ANO2: variants seen among roughly 807,000 people sequenced by gnomAD.
The protein encoded by ANO2 is anoctamin-2.
In ANO2, 101 loss-of-function variants were observed where a neutral mutation model predicts 124.2. The observed-to-expected ratio is 0.81, with a 90% CI of 0.69 to 0.96. The LOEUF is 0.96. Ranked by LOEUF, ANO2 falls within the 40% of genes least tolerant of loss-of-function variation. The pLI is 0.00. For missense variants in ANO2, 1,293 were observed against 1,274.5 expected (o/e 1.01, Z -0.22); for synonymous variants, 486 against 482.5 (o/e 1.01, Z -0.09).
chr12:5,625,279 G>A (rs995580444), intron 16 of ANO2, among the ~76,000 whole-genome samples: 2 of 152,070 alleles, frequency 1.3e-5, no homozygotes, highest in Non-Finnish European at 2.9e-5. Flanking sequence ...CAGTCAATAT[G>A]AGGATGAAAC....
intron 14 of ANO2, among the ~76,000 whole-genome samples, chr12:5,655,263 G>A (rs376818536): frequency 1.3e-5 from 2 of 152,200 alleles, no homozygotes; most frequent in East Asian, 3.9e-4. Context: ...CCTCCCTCTT[G>A]TTGACTGCCA....
At chr12:5,877,544 C>T (rs775905437) in intron 3 of ANO2, among the ~76,000 whole-genome samples, 1 of 152,224 alleles carries the variant, frequency 6.6e-6, no homozygotes, top group South Asian at 2.1e-4. Context: ...GCTGGGCTCA[C>T]ATCCCCAGCC....
At chr12:5,827,743 C>T (rs776042632) in intron 7 of ANO2, 26 bp downstream of exon 7, 3 of 1,603,592 alleles carry the variant, frequency 1.9e-6, no homozygotes, top group Non-Finnish European at 2.6e-6. Flanking sequence ...CCCGTCAGCA[C>T]CCTGCCCGCG....
In ANO2 at chr12:5,635,843, G is replaced by C. The variant is rs1945989271; in HGVS notation, c.1621-496C>G. Among the ~76,000 whole-genome samples the C allele has an allele frequency of 6.6e-6, 1 of 152,158 alleles. No homozygotes were observed. On this transcript the variant is annotated intron_variant, in intron 15 of 24. Transcript: ENST00000682330. The surrounding 1 kb of genome is among the most constrained non-coding windows in gnomAD (Gnocchi z 5.2). ...GGAGAAAGTAAATTTGAGTGGTCAG[G>C]GAATAGTTTGTGGAGACAGTGGGAT...
At position 5,612,755 on chromosome 12, in the gene ANO2, C is replaced by T. The variant is rs1944607128; in HGVS notation, c.1988G>A (p.Cys663Tyr). ...CTCCATGAGACAGCCCCCTGGAGCACACTGCAGGGAGAAGATAAGGAAAGG... is the reference window on the plus strand; with the variant it reads ...CTCCATGAGACAGCCCCCTGGAGCATACTGCAGGGAGAAGATAAGGAAAGG... ...YVFDGYRMEE[C>Y]APGGCLMELC... The change falls in exon 19 of 25, where the codon TGT (cysteine) becomes TAT (tyrosine). Residue 663 changes from cysteine to tyrosine, a missense_variant and splice_region_variant. Cys to Tyr is a radical substitution (Grantham distance 194, BLOSUM62 -2). Coordinates refer to ENST00000682330, the MANE Select transcript of ANO2 (RefSeq NM_001364791.2). 1 of 1,613,520 alleles carries T rather than the reference C, an allele frequency of 6.2e-7. No homozygotes were observed. The highest frequency in any genetic ancestry group is 8.5e-7 in the Non-Finnish European group (1 of 1,179,580).
intron 10 of ANO2, among the ~76,000 whole-genome samples, chr12:5,756,758 T>C (rs1339182039): frequency 2.0e-5 from 3 of 152,226 alleles, no homozygotes; most frequent in Non-Finnish European, 4.4e-5. Flanking sequence ...TCTGTTGAGA[T>C]CTGCATGAGA....
In ANO2 at chr12:5,704,075, T is replaced by C. The variant is rs146627070; in HGVS notation, c.1545+28445A>G. Among the ~76,000 whole-genome samples, 18 of 152,186 alleles carry C rather than the reference T, an allele frequency of 1.2e-4. No homozygotes were observed. In the East Asian group the frequency reaches 1.9e-3, roughly 16 times the overall value. On this transcript the variant is annotated intron_variant, in intron 14 of 24. Transcript: ENST00000682330. ...TGTCCAGGATCTGATCTGAAAAGGA[T>C]GAGTGCTATTTTTGAGGTTTTTCAC... is the stretch of plus-strand genomic sequence containing the variant.
intron 8 of ANO2, among the ~76,000 whole-genome samples, chr12:5,806,320 A>C (rs1183917218): frequency 6.6e-6 from 1 of 152,132 alleles, no homozygotes; most frequent in African/African-American, 2.4e-5. Flanking sequence ...GTGCCCCCTC[A>C]TCCACTTCAG....
At chr12:5,578,289 G>A (rs1942536756) in intron 21 of ANO2, 77 bp downstream of exon 21, 1 of 1,538,818 alleles carries the variant, frequency 6.5e-7, no homozygotes, top group Non-Finnish European at 8.8e-7. Flanking sequence ...TTGATTCCTG[G>A]TGTGGTGTGA....
At chr12:5,603,674 A>G (rs926818385) in intron 19 of ANO2, among the ~76,000 whole-genome samples, 5 of 152,304 alleles carry the variant, frequency 3.3e-5, no homozygotes, top group East Asian at 1.9e-4. Context: ...GGCCGGGCGC[A>G]GTGGCTCACG....
intron 14 of ANO2, among the ~76,000 whole-genome samples, chr12:5,649,833 A>G (rs1946829827): frequency 6.6e-6 from 1 of 151,878 alleles, no homozygotes; most frequent in Admixed American, 6.6e-5. Flanking sequence ...TTTAGTAAAG[A>G]CGGGATTTCA....
At chr12:5,675,975 G>C (rs1034695877) in intron 14 of ANO2, among the ~76,000 whole-genome samples, 1 of 152,004 alleles carries the variant, frequency 6.6e-6, no homozygotes, top group African/African-American at 2.4e-5. Context: ...TTCTCTCCAG[G>C]CCTCTCCTGG....
intron 21 of ANO2, 135 bp downstream of exon 21, chr12:5,578,231 G>C: frequency 7.5e-7 from 1 of 1,330,008 alleles, no homozygotes; most frequent in Non-Finnish European, 1.0e-6. Flanking sequence ...TGCACTTCAG[G>C]ATATGAGGAT....
chr12:5,791,954 T>C (rs1044179560), intron 10 of ANO2, among the ~76,000 whole-genome samples: 1 of 152,144 alleles, frequency 6.6e-6, no homozygotes, highest in Non-Finnish European at 1.5e-5. Context: ...TTGTATTATA[T>C]TGTAATAGAA....
At chr12:5,839,502 T>C (rs1954440307) in intron 4 of ANO2, 2 of 449,358 alleles carry the variant, frequency 4.5e-6, no homozygotes, top group Admixed American at 2.4e-5. Flanking sequence ...AGAACTGGAC[T>C]AAATACTTTA....
intron 15 of ANO2, among the ~76,000 whole-genome samples, chr12:5,639,258 C>G (rs111463436): frequency 2.0e-5 from 3 of 152,168 alleles, no homozygotes; most frequent in Non-Finnish European, 4.4e-5. Flanking sequence ...AATACAGGCA[C>G]GCGCACACAC....
At chr12:5,668,744 A>G (rs10849317) in intron 14 of ANO2, among the ~76,000 whole-genome samples, 65,733 of 152,088 alleles carry the variant, frequency 0.43, 15,489 homozygotes, top group Middle Eastern at 0.59. Flanking sequence ...AAAGGGGTCC[A>G]GTTTCAATTT....
chr12:5,581,787 T>C (rs1314361975), intron 20 of ANO2, among the ~76,000 whole-genome samples: 1 of 152,090 alleles, frequency 6.6e-6, no homozygotes, highest in Non-Finnish European at 1.5e-5. Flanking sequence ...GATCCTCCTG[T>C]CCCCTCCTCT....
intron 14 of ANO2, among the ~76,000 whole-genome samples, chr12:5,668,379 C>T (rs251768): frequency 0.81 from 122,938 of 151,902 alleles, 49,901 homozygotes; most frequent in Middle Eastern, 0.91. Context: ...TTCCTGTCCT[C>T]TCCCCACTTT....
Sources: allele counts gnomAD v4.1 joint callset (sites outside exome capture counted in the v4.1 genomes callset), GRCh38; gene constraint gnomAD v4.1.1; non-coding constraint Gnocchi (gnomAD v3.1); transcripts MANE v1.5; gene names NCBI Gene and HGNC (gene_info 2026-07-23, HGNC 2026-07-21).